RAPGEF2: variants seen among roughly 807,000 people sequenced by gnomAD.
RAPGEF2 encodes PDZ domain containing guanine nucleotide exchange factor (GEF) 1.
A neutral mutation model predicts 186.7 loss-of-function variants in RAPGEF2; 54 were observed. That is an observed-to-expected ratio of 0.29 (90% CI 0.23 to 0.36). RAPGEF2 has a LOEUF of 0.36. Among genes scored for constraint, RAPGEF2 ranks in the 10% least tolerant of loss-of-function variants. RAPGEF2 has a pLI of 1.00. For missense variants in RAPGEF2, 1,532 were observed against 2,045.0 expected, an observed-to-expected ratio of 0.75 and a Z score of 4.84; for synonymous variants, 712 against 705.9, an observed-to-expected ratio of 1.01 and a Z score of -0.14.
intron 8 of RAPGEF2, among the ~76,000 whole-genome samples, chr4:159,310,501 G>A (rs1443338565): frequency 1.3e-5 from 2 of 151,846 alleles, no homozygotes; most frequent in Admixed American, 6.6e-5. Flanking sequence ...TTTTGTTTGT[G>A]AATTTTCTTG....
intron 3 of RAPGEF2, among the ~76,000 whole-genome samples, chr4:159,200,715 G>A (rs1749310649): frequency 6.6e-6 from 1 of 151,934 alleles, no homozygotes; most frequent in Non-Finnish European, 1.5e-5. Context: ...TAAATGAATT[G>A]CTATTGTTTG....
intron 4 of RAPGEF2, among the ~76,000 whole-genome samples, chr4:159,222,077 T>C (rs1026588871): frequency 2.0e-5 from 3 of 152,244 alleles, no homozygotes; most frequent in Non-Finnish European, 4.4e-5. Flanking sequence ...ACCTTCATCC[T>C]GGAACACTAA....
At chr4:159,170,775 T>C (rs575317442) in intron 1 of RAPGEF2, among the ~76,000 whole-genome samples, 22 of 152,236 alleles carry the variant, frequency 1.4e-4, no homozygotes, top group Non-Finnish European at 2.1e-4. Context: ...CAGAAAATTA[T>C]TGCCTGTACC....
intron 3 of RAPGEF2, among the ~76,000 whole-genome samples, chr4:159,202,966 A>T (rs1749605600): frequency 6.6e-6 from 1 of 152,212 alleles, no homozygotes; most frequent in Non-Finnish European, 1.5e-5. Context: ...TAACAGCTGA[A>T]TGAAGTAGCA....
intron 7 of RAPGEF2, among the ~76,000 whole-genome samples, chr4:159,298,920 C>T (rs2111014944): frequency 6.6e-6 from 1 of 152,188 alleles, no homozygotes; most frequent in East Asian, 1.9e-4. Flanking sequence ...TTTATTCAGT[C>T]CTCACAACAC....
chr4:159,352,922 T>C lies in RAPGEF2; in HGVS notation c.4091+12T>C. ...CAGTATAGCTTGGGGTAGGTGGCTC[T>C]TTTTAATATTCTTCTGAATTTATCC... On this transcript the variant is annotated intron_variant, in intron 27 of 29. Coordinates refer to ENST00000691494, the MANE Select transcript of RAPGEF2 (RefSeq NM_001394067.2). 1 of 1,588,104 alleles carries C rather than the reference T, an allele frequency of 6.3e-7. No individual in the cohort carries two copies. Among genetic ancestry groups the C allele is most frequent in the Non-Finnish European group, 8.6e-7 (1 of 1,159,754 alleles).
intron 2 of RAPGEF2, among the ~76,000 whole-genome samples, chr4:159,192,296 G>A (rs952973194): frequency 1.3e-5 from 2 of 152,186 alleles, no homozygotes; most frequent in Non-Finnish European, 2.9e-5. Flanking sequence ...GTGGGAACGC[G>A]AAGAACAAGG....
chr4:159,305,430 C>T (rs6536408), intron 8 of RAPGEF2, among the ~76,000 whole-genome samples: 96,215 of 151,986 alleles, frequency 0.63, 32,288 homozygotes, highest in African/African-American at 0.84. Context: ...CTCTGATGAT[C>T]AGTGATATTA....
At chr4:159,352,940 A>G in intron 27 of RAPGEF2, 30 bp downstream of exon 27, 7 of 1,540,632 alleles carry the variant, frequency 4.5e-6, no homozygotes, top group Admixed American at 1.8e-5. Flanking sequence ...ATTCTTCTGA[A>G]TTTATCCTTC....
chr4:159,296,343 T>C (rs922330584), intron 7 of RAPGEF2, among the ~76,000 whole-genome samples: 2 of 152,194 alleles, frequency 1.3e-5, no homozygotes, highest in Non-Finnish European at 2.9e-5. Flanking sequence ...GTTTCATGAG[T>C]GAGAAATTAT....
At chr4:159,131,694 T>C (rs1266716256) in intron 1 of RAPGEF2, among the ~76,000 whole-genome samples, 2 of 151,846 alleles carry the variant, frequency 1.3e-5, no homozygotes, top group Non-Finnish European at 2.9e-5. Flanking sequence ...TTAACGTCTT[T>C]CGCGTTGTTG....
intron 1 of RAPGEF2, among the ~76,000 whole-genome samples, chr4:159,121,615 T>A (rs1380660113): frequency 6.6e-6 from 1 of 152,140 alleles, no homozygotes; most frequent in Non-Finnish European, 1.5e-5. Flanking sequence ...GCTGTGCTCC[T>A]GCCTTGGCCT....
At chr4:159,261,401 A>G (rs1453476511) in intron 7 of RAPGEF2, among the ~76,000 whole-genome samples, 1 of 152,232 alleles carries the variant, frequency 6.6e-6, no homozygotes, top group East Asian at 1.9e-4. Flanking sequence ...AACTTAGTAA[A>G]TCCTAACAGT....
intron 7 of RAPGEF2, among the ~76,000 whole-genome samples, chr4:159,255,766 G>A (rs13119443): frequency 0.3 from 45,086 of 151,948 alleles, 7,967 homozygotes; most frequent in Non-Finnish European, 0.4. Context: ...ACCATGTTTT[G>A]TAGTAGTTGA....
chr4:159,346,718 AG>A, intron 24 of RAPGEF2, 70 bp from the exon 25 acceptor site: 6 of 1,287,876 alleles, frequency 4.7e-6, no homozygotes, highest in Non-Finnish European at 6.6e-6. Flanking sequence ...ACACAGTTCT[AG>A]AATTATCTTC....
chr4:159,291,169 G>A (rs1236913584), intron 7 of RAPGEF2, among the ~76,000 whole-genome samples: 3 of 152,192 alleles, frequency 2.0e-5, no homozygotes, highest in African/African-American at 7.2e-5. Context: ...TACCTGTGGT[G>A]GTGGTTGTTG....
At chr4:159,288,383 T>A (rs1045483243) in intron 7 of RAPGEF2, among the ~76,000 whole-genome samples, 3 of 152,184 alleles carry the variant, frequency 2.0e-5, no homozygotes, top group Non-Finnish European at 4.4e-5. Context: ...TTTACTTTTT[T>A]AAAAAGTTGA....
intron 1 of RAPGEF2, among the ~76,000 whole-genome samples, chr4:159,154,718 CTT>C (rs1315598905): frequency 6.6e-6 from 1 of 152,094 alleles, no homozygotes; most frequent in Non-Finnish European, 1.5e-5. Flanking sequence ...CAAGAGATCT[CTT>C]GAATCAGAGA....
At chr4:159,340,556 A>AT (rs891962057) in intron 19 of RAPGEF2, among the ~76,000 whole-genome samples, 4 of 152,138 alleles carry the variant, frequency 2.6e-5, no homozygotes, top group Admixed American at 2.6e-4. Context: ...CACAAAAAAA[A>AT]TTTTAGTAGG....
Sources: allele counts gnomAD v4.1 joint callset (sites outside exome capture counted in the v4.1 genomes callset), GRCh38; gene constraint gnomAD v4.1.1; transcripts MANE v1.5; gene names NCBI Gene and HGNC (gene_info 2026-07-23, HGNC 2026-07-21).